Variants in PYGL observed in about 807,000 individuals in gnomAD.
PYGL encodes the protein glycogen phosphorylase L, also known as glycogen phosphorylase, liver form.
A neutral mutation model predicts 100.1 loss-of-function variants in PYGL; 90 were observed. The observed-to-expected ratio is 0.90, with a 90% CI of 0.76 to 1.07. PYGL has a LOEUF of 1.07. Ranked by LOEUF, PYGL falls within the 50% of genes least tolerant of loss-of-function variation. The pLI is 0.00. For missense variants in PYGL, 1,016 were observed against 1,057.6 expected (o/e 0.96, Z 0.55); for synonymous variants, 373 against 393.0 (o/e 0.95, Z 0.60).
chr14:50,943,039 C>T (rs779619212), intron 1 of PYGL, among the ~76,000 whole-genome samples: 1 of 152,118 alleles, frequency 6.6e-6, no homozygotes, highest in Non-Finnish European at 1.5e-5. Context: ...CATTCATTTC[C>T]TTTCTTAAAA....
intron 3 of PYGL, among the ~76,000 whole-genome samples, chr14:50,933,725 A>G (rs2050624793): frequency 6.6e-6 from 1 of 152,028 alleles, no homozygotes; most frequent in African/African-American, 2.4e-5. Context: ...CTTTTTTTCT[A>G]CATATTCACA....
intron 4 of PYGL, among the ~76,000 whole-genome samples, chr14:50,925,472 T>G (rs2050539507): frequency 6.6e-6 from 1 of 152,238 alleles, no homozygotes; most frequent in Admixed American, 6.5e-5. Flanking sequence ...CATATTCACC[T>G]CTTAGAAAAC....
At chr14:50,944,073 G>A in intron 1 of PYGL, 88 bp downstream of exon 1, 1 of 1,470,096 alleles carries the variant, frequency 6.8e-7, no homozygotes, top group Non-Finnish European at 9.2e-7. Context: ...GGACCACTCT[G>A]AGGGGTTCTC....
chr14:50,929,391 C>A (rs1421671394), intron 4 of PYGL, among the ~76,000 whole-genome samples: 1 of 152,070 alleles, frequency 6.6e-6, no homozygotes, highest in Non-Finnish European at 1.5e-5. Flanking sequence ...CCTATTTGGT[C>A]TTTCTTTATT....
In PYGL at chr14:50,912,405, C is replaced by G; in HGVS notation, c.1621-102G>C. 3 of 1,446,984 alleles carry G rather than the reference C, an allele frequency of 2.1e-6. No individual in the cohort carries two copies. The South Asian group carries it at 3.4e-5, about 17-fold the overall frequency. 89.6% of individuals were successfully genotyped at this position (1,446,984 alleles called of 1,614,324 possible). ...ACGGAGTCTCACTCTTTTGCCCAGG[C>G]TGGAGTGCAGTGGCATGATCTCAGA... On this transcript the variant is annotated intron_variant, in intron 13 of 19. Transcript: ENST00000216392.
chr14:50,905,301 G>A lies in PYGL; in HGVS notation c.*91C>T. 1 of 1,312,754 alleles carries A rather than the reference G, an allele frequency of 7.6e-7. No homozygotes were observed. Among genetic ancestry groups the A allele is most frequent in the Non-Finnish European group, 1.1e-6 (1 of 912,810 alleles). 81.3% of individuals were successfully genotyped at this position (1,312,754 alleles called of 1,614,324 possible). A position where few individuals can be genotyped will look rare whatever the true frequency, so the allele number is the denominator to read the frequency against. On this transcript the variant is annotated 3_prime_UTR_variant, in exon 20 of 20. Transcript: ENST00000216392. Reference sequence around the variant, plus strand: ...TTCCCAGAGATACTCAACTATTATAGATTATTAGCTAACAAAACAAAAACC... The same window carrying A: ...TTCCCAGAGATACTCAACTATTATAAATTATTAGCTAACAAAACAAAAACC...
intron 9 of PYGL, 134 bp downstream of exon 9, chr14:50,916,508 G>A (rs1484492012): frequency 8.4e-6 from 7 of 828,450 alleles, no homozygotes; most frequent in African/African-American, 5.1e-5. Context: ...TCAGCGTCAG[G>A]GAAAATATAC....
At chr14:50,908,990 G>T (rs199963060) in intron 17 of PYGL, 35 bp from the exon 18 acceptor site, 51 of 1,584,352 alleles carry the variant, frequency 3.2e-5, no homozygotes, top group Non-Finnish European at 4.0e-5. Flanking sequence ...ATAAAAAAAG[G>T]CTCTGTTATT....
At chr14:50,918,392 T>C (rs142083742) in intron 7 of PYGL, among the ~76,000 whole-genome samples, 166 of 152,336 alleles carry the variant, frequency 1.1e-3, no homozygotes, top group Non-Finnish European at 1.9e-3. Flanking sequence ...CACACACGTT[T>C]ATAGCAGCAC....
At chr14:50,932,086 C>T (rs182132197) in intron 3 of PYGL, among the ~76,000 whole-genome samples, 1 of 152,308 alleles carries the variant, frequency 6.6e-6, no homozygotes, top group Admixed American at 6.5e-5. Context: ...GGAAGCCAAC[C>T]TGCACCAGAT....
At chr14:50,911,211 G>A (rs1380566501) in intron 16 of PYGL, among the ~76,000 whole-genome samples, 5 of 152,224 alleles carry the variant, frequency 3.3e-5, no homozygotes, top group Non-Finnish European at 7.3e-5. Flanking sequence ...CCATCTGGCT[G>A]TCCCCATGTG....
intron 7 of PYGL, among the ~76,000 whole-genome samples, chr14:50,919,988 G>T (rs964171328): frequency 3.3e-5 from 5 of 151,172 alleles, no homozygotes; most frequent in Non-Finnish European, 7.4e-5. Context: ...CTGGCCCCAA[G>T]TGTTTTTTTT....
chr14:50,917,123 A>G lies in PYGL; in HGVS notation c.856-18T>C. The G allele has an allele frequency of 6.2e-7, 1 of 1,612,486 alleles. No individual in the cohort carries two copies. Among genetic ancestry groups the G allele is most frequent in the South Asian group, 1.1e-5 (1 of 91,040 alleles). On this transcript the variant is annotated intron_variant, in intron 7 of 19. Coordinates refer to ENST00000216392, the MANE Select transcript of PYGL (RefSeq NM_002863.5). ...TCAAAAAACTTCAAGCCAGAGAGAT[A>G]GAATAAAAATGGTTCATATTGTAGG...
intron 11 of PYGL, 156 bp downstream of exon 11, chr14:50,915,180 T>TTTG: frequency 1.1e-6 from 1 of 877,546 alleles, no homozygotes; most frequent in Admixed American, 2.6e-5. Flanking sequence ...TTTCTTTTCT[T>TTTG]TTTTTTTTTT....
intron 16 of PYGL, 91 bp from the exon 17 acceptor site, chr14:50,910,193 T>A: frequency 7.8e-7 from 1 of 1,286,082 alleles, no homozygotes; most frequent in Middle Eastern, 2.0e-4. Flanking sequence ...GCTGTTTTGA[T>A]AATTAAAGTA....
At chr14:50,918,941 C>G (rs1292822492) in intron 7 of PYGL, among the ~76,000 whole-genome samples, 1 of 152,200 alleles carries the variant, frequency 6.6e-6, no homozygotes, top group Admixed American at 6.5e-5. Context: ...AGTATAATCA[C>G]TGACCTATGC....
rs2050378247 is a variant in PYGL at position 50,910,054 on chromosome 14, T to C, written c.2018A>G (p.Glu673Gly). Residue 673 changes from glutamate to glycine, a missense_variant, in exon 17 of 20, where the codon GAA becomes GGA. Transcript: ENST00000216392. The part of the protein sequence containing the change: ...LSEQISTAGT[E>G]ASGTGNMKFM... ...CTTCATATTGCCTGTCCCCGAGGCT[T>C]CGGTGCCTGCAGTGGAAATCTGCTC... 1.2e-6 allele frequency: 2 copies of C among 1,614,202 alleles called. No homozygotes were observed. Among genetic ancestry groups the C allele is most frequent in the Non-Finnish European group, 1.7e-6 (2 of 1,180,012 alleles).
intron 19 of PYGL, among the ~76,000 whole-genome samples, chr14:50,905,961 A>G (rs911052133): frequency 1.3e-5 from 2 of 152,202 alleles, no homozygotes; most frequent in African/African-American, 4.8e-5. Context: ...CCTATGGCTC[A>G]TAGAGTTTGA....
intron 16 of PYGL, 60 bp from the exon 17 acceptor site, chr14:50,910,162 T>A: frequency 6.6e-7 from 1 of 1,520,908 alleles, no homozygotes; most frequent in East Asian, 2.3e-5. Flanking sequence ...TTGTATTGTA[T>A]TGAAGCATTT....
Sources: allele counts gnomAD v4.1 joint callset (sites outside exome capture counted in the v4.1 genomes callset), GRCh38; gene constraint gnomAD v4.1.1; transcripts MANE v1.5; gene names NCBI Gene and HGNC (gene_info 2026-07-23, HGNC 2026-07-21).